Variants in OXNAD1 observed in about 807,000 individuals in gnomAD.
OXNAD1 encodes oxidoreductase NAD binding domain containing 1.
In OXNAD1, 34 loss-of-function variants were observed where a neutral mutation model predicts 32.9. The ratio of observed to expected loss-of-function variants is 1.03; its 90% CI spans 0.79 to 1.38. The LOEUF (loss-of-function observed/expected upper bound fraction) is 1.38, where lower values mean the gene tolerates loss of function less well. Ranked by LOEUF, OXNAD1 falls within the 40% of genes most tolerant of loss-of-function variation. The pLI is 0.00. For missense variants in OXNAD1, 407 were observed against 379.4 expected (o/e 1.07, Z -0.60); for synonymous variants, 134 against 135.2 (o/e 0.99, Z 0.06).
rs776428887 is a variant in OXNAD1, at chr3:16,286,423, G to A, written c.265G>A (p.Asp89Asn). The change falls in exon 5 of 9, where the codon GAC becomes AAC. Residue 89 changes from aspartate to asparagine, a missense_variant. Asp to Asn is a conservative substitution (Grantham distance 23). Transcript: ENST00000285083. ...KSLRLLVADQDFSFKAGQWVD... is the reference protein window; with the variant it reads ...KSLRLLVADQNFSFKAGQWVD... ...CCTCCGCTTGCTTGTTGCTGATCAA[G>A]ACTTTTCCTTTAAAGCTGGCCAGTG... 2.8e-5 allele frequency: 45 copies of A among 1,613,824 alleles called. No individual in the cohort carries two copies. In the South Asian group the frequency reaches 4.5e-4, roughly 16 times the overall value.
chr3:16,326,811 G>A (rs1303016971), intron 9 of OXNAD1: 5 of 1,614,036 alleles, frequency 3.1e-6, no homozygotes, highest in Non-Finnish European at 4.2e-6. Flanking sequence ...GCACACAGGT[G>A]AGCTGCCAGC....
chr3:16,314,964 T>A lies in OXNAD1; in HGVS notation c.*30+11372T>A, dbSNP rs752400727. 1 of 152,220 alleles carries A rather than the reference T, an allele frequency of 6.6e-6. No individual in the cohort carries two copies. Among genetic ancestry groups the A allele is most frequent in the African/African-American group, 2.4e-5 (1 of 41,452 alleles). 9.4% of individuals were successfully genotyped at this position (152,220 alleles called of 1,614,324 possible). A position where few individuals can be genotyped will look rare whatever the true frequency, so the allele number is the denominator to read the frequency against. ...TTGACTTAGTTGTGGAAAATGTCATTAAAAAATAGTTGTCTTCTCTTTGAA... is the reference window on the plus strand; with the variant it reads ...TTGACTTAGTTGTGGAAAATGTCATAAAAAAATAGTTGTCTTCTCTTTGAA... On this transcript the variant is annotated intron_variant, in intron 9 of 9. Coordinates refer to the OXNAD1 transcript ENST00000435829. The surrounding 1 kb of genome is among the most constrained non-coding windows in gnomAD (Gnocchi z 4.4).
chr3:16,276,287 G>A (rs910817299), intron 4 of OXNAD1: 11 of 211,484 alleles, frequency 5.2e-5, no homozygotes, highest in African/African-American at 2.4e-4. Flanking sequence ...TGATTTTTCT[G>A]ATTTGGCTTT....
At position 16,344,053 on chromosome 3, in the gene OXNAD1, G is replaced by A. The variant is rs113537985; in HGVS notation, c.*31-5123G>A. ...ATCTGGAAATGTTCACTGGGTCACAGCCCAGAGCACTTGGAGGGAAGCAGT... is the reference window on the plus strand; with the variant it reads ...ATCTGGAAATGTTCACTGGGTCACAACCCAGAGCACTTGGAGGGAAGCAGT... On this transcript the variant is annotated intron_variant, in intron 9 of 9. Coordinates refer to the OXNAD1 transcript ENST00000606098. This position sits in a 1 kb window ranked among gnomAD's most constrained non-coding sequence, Gnocchi z 4.4. 0.016 allele frequency among the ~76,000 whole-genome samples: 2,411 copies of A among 152,284 alleles called. 72 individuals are homozygous for A. Among genetic ancestry groups the A allele is most frequent in the African/African-American group, 0.055 (2,264 of 41,528 alleles).
At chr3:16,285,355 G>T (rs1422768378) in intron 4 of OXNAD1, among the ~76,000 whole-genome samples, 1 of 152,190 alleles carries the variant, frequency 6.6e-6, no homozygotes, top group Non-Finnish European at 1.5e-5. Flanking sequence ...CTTTGGTGGA[G>T]CTGTGAAGGT....
chr3:16,285,589 C>T (rs73818363), intron 4 of OXNAD1, among the ~76,000 whole-genome samples: 43 of 152,304 alleles, frequency 2.8e-4, no homozygotes, highest in African/African-American at 1.0e-3. Context: ...ATGAATGGCA[C>T]ATACCTGCAT....
intron 5 of OXNAD1, among the ~76,000 whole-genome samples, chr3:16,286,715 C>T (rs1161702553): frequency 6.6e-6 from 1 of 152,202 alleles, no homozygotes. Flanking sequence ...AAAGCTAGTT[C>T]TGGCCCATGG....
At position 16,303,299 on chromosome 3, in the gene OXNAD1, C is replaced by T; in HGVS notation, c.785-109C>T. Reference sequence around the variant, plus strand: ...CTGTGAATGGCTTAAGAAGACTAGACTCACTGAACTTGGAAATAAACACTG... The same window carrying T: ...CTGTGAATGGCTTAAGAAGACTAGATTCACTGAACTTGGAAATAAACACTG... On this transcript the variant is annotated intron_variant, in intron 8 of 8. Transcript: ENST00000285083. The surrounding 1 kb of genome is among the most constrained non-coding windows in gnomAD (Gnocchi z 4.8). The T allele has an allele frequency of 1.6e-6, 2 of 1,279,664 alleles. No individual in the cohort carries two copies. Among genetic ancestry groups the T allele is most frequent in the East Asian group, 4.7e-5 (2 of 42,822 alleles). 79.3% of individuals were successfully genotyped at this position (1,279,664 alleles called of 1,614,324 possible).
downstream of OXNAD1, among the ~76,000 whole-genome samples, chr3:16,337,972 G>A (rs535397171): frequency 6.6e-6 from 1 of 152,122 alleles, no homozygotes; most frequent in Non-Finnish European, 1.5e-5. The surrounding 1 kb of genome is among the most constrained non-coding windows in gnomAD (Gnocchi z 5.0). Flanking sequence ...AGCTTGCCCT[G>A]GAAGAGAGAG....
Position 16,336,122 on chromosome 3 carries a change from C to T in OXNAD1, c.*31-990C>T, listed in dbSNP as rs2070825379. ...CAAGACAGAAAGAAGGGCCACTTCA[C>T]CTCTACCTCTCCCTAGCAAGTGGAA... On this transcript the variant is annotated intron_variant, in intron 9 of 9. Transcript: ENST00000435829. The surrounding 1 kb of genome is among the most constrained non-coding windows in gnomAD (Gnocchi z 6.0). Among the ~76,000 whole-genome samples, 1 of 152,228 alleles carries T rather than the reference C, an allele frequency of 6.6e-6. No individual in the cohort carries two copies. The highest frequency in any genetic ancestry group is 2.4e-5 in the African/African-American group (1 of 41,454).
chr3:16,326,614 T>C (rs690145), intron 9 of OXNAD1, among the ~76,000 whole-genome samples: 90,319 of 152,024 alleles, frequency 0.59, 27,103 homozygotes, highest in African/African-American at 0.69. Flanking sequence ...GTTAAGAATG[T>C]GAAATTCTGG....
In OXNAD1 at chr3:16,286,857, A is replaced by G. The variant is rs557629204; in HGVS notation, c.290+409A>G. Among the ~76,000 whole-genome samples the G allele has an allele frequency of 4.6e-5, 7 of 152,344 alleles. No individual in the cohort carries two copies. The South Asian group carries it at 6.2e-4, about 14-fold the overall frequency. Reference sequence around the variant, plus strand: ...TTAAAAGTAGTCTTCTTCGTGTCCAATGCAGAGTAAACAAAGTATCCTGAA... The same window carrying G: ...TTAAAAGTAGTCTTCTTCGTGTCCAGTGCAGAGTAAACAAAGTATCCTGAA... On this transcript the variant is annotated intron_variant, in intron 5 of 8. Transcript: ENST00000285083.
chr3:16,323,392 T>C (rs1295247510), intron 9 of OXNAD1: 49 of 1,610,000 alleles, frequency 3.0e-5, no homozygotes, highest in Non-Finnish European at 4.2e-5. Context: ...TTCCTTCTTC[T>C]TGATTTTCTG....
chr3:16,326,625 C>T (rs2069721478), intron 9 of OXNAD1: 1 of 624,844 alleles, frequency 1.6e-6, no homozygotes, highest in African/African-American at 1.9e-5. Context: ...GAAATTCTGG[C>T]TCTGCTGCTT....
intron 9 of OXNAD1, among the ~76,000 whole-genome samples, chr3:16,330,745 T>G (rs1420256619): frequency 6.6e-6 from 1 of 152,228 alleles, no homozygotes; most frequent in Non-Finnish European, 1.5e-5. Context: ...CTCCAGTGAT[T>G]GCAAATCAAC....
At position 16,321,056 on chromosome 3, in the gene OXNAD1, TA is replaced by T. The variant is rs139512456; in HGVS notation, c.*31-16054del. ...TCCGGGACCTAACACAGATGGGTCT[TA>T]AGGATAGATTGAATATAGGGGAAGG... On this transcript the variant is annotated intron_variant, in intron 9 of 9. Transcript: ENST00000435829. The surrounding 1 kb of genome is among the most constrained non-coding windows in gnomAD (Gnocchi z 4.8). Among the ~76,000 whole-genome samples the T allele has an allele frequency of 8.5e-3, 1,298 of 152,064 alleles. 8 individuals carry two copies. Among genetic ancestry groups the T allele is most frequent in the Non-Finnish European group, 0.015 (990 of 67,982 alleles).
chr3:16,325,075 T>A (rs2069561590), intron 9 of OXNAD1, among the ~76,000 whole-genome samples: 1 of 152,240 alleles, frequency 6.6e-6, no homozygotes, highest in Non-Finnish European at 1.5e-5. Flanking sequence ...CTTTACATGT[T>A]ACTGCATTCA....
chr3:16,344,727 TC>T lies in OXNAD1; in HGVS notation c.*31-4448del, dbSNP rs2071527794. On this transcript the variant is annotated intron_variant, in intron 9 of 9. Transcript: ENST00000606098. This position sits in a 1 kb window ranked among gnomAD's most constrained non-coding sequence, Gnocchi z 4.4. Reference sequence around the variant, plus strand: ...CAGACCTCCTCCCAATGAAAGCACATCGTTGCCAAGTGCGGCCTCTCAATCA... The same window carrying T: ...CAGACCTCCTCCCAATGAAAGCACATGTTGCCAAGTGCGGCCTCTCAATCA... Among the ~76,000 whole-genome samples, 2 of 152,174 alleles carry T rather than the reference TC, an allele frequency of 1.3e-5. No individual in the cohort carries two copies. The highest frequency in any genetic ancestry group is 1.3e-4 in the Admixed American group (2 of 15,286).
intron 6 of OXNAD1, among the ~76,000 whole-genome samples, chr3:16,295,274 T>C (rs1159282826): frequency 1.3e-5 from 2 of 152,234 alleles, no homozygotes; most frequent in Non-Finnish European, 2.9e-5. Flanking sequence ...TCTAAAAAGT[T>C]GGCTCTCTGT....
Sources: allele counts gnomAD v4.1 joint callset (sites outside exome capture counted in the v4.1 genomes callset), GRCh38; gene constraint gnomAD v4.1.1; non-coding constraint Gnocchi (gnomAD v3.1); transcripts MANE v1.5; gene names NCBI Gene and HGNC (gene_info 2026-07-23, HGNC 2026-07-21).